PADI1: variants seen among roughly 807,000 people sequenced by gnomAD.
The protein encoded by PADI1 is peptidyl arginine deiminase 1, also known as protein-arginine deiminase type-1.
Under a neutral mutation model 74.8 loss-of-function variants are expected in PADI1, and 65 were observed. That is an observed-to-expected ratio of 0.87 (90% CI 0.71 to 1.07). The LOEUF is 1.07. Among genes scored for constraint, PADI1 ranks in the 50% least tolerant of loss-of-function variants. The probability of loss-of-function intolerance (pLI) is 0.00; values close to 1 mark genes in which losing one functional copy is unlikely to be tolerated. For missense variants in PADI1, 943 were observed against 854.0 expected, an observed-to-expected ratio of 1.10 and a Z score of -1.30; for synonymous variants, 371 against 336.2, an observed-to-expected ratio of 1.10 and a Z score of -1.13.
intron 11 of PADI1, among the ~76,000 whole-genome samples, chr1:17,233,829 C>A (rs1005966649): frequency 6.6e-6 from 1 of 152,256 alleles, no homozygotes; most frequent in African/African-American, 2.4e-5. Flanking sequence ...GTGAATCTGG[C>A]AGCCTCAGAG....
intron 1 of PADI1, among the ~76,000 whole-genome samples, chr1:17,212,321 A>G (rs1251015894): frequency 6.6e-6 from 1 of 152,190 alleles, no homozygotes; most frequent in Non-Finnish European, 1.5e-5. Flanking sequence ...AGGCTCAGCC[A>G]GCAGTGCCTG....
chr1:17,238,975 C>G (rs569751907), intron 13 of PADI1, among the ~76,000 whole-genome samples: 70 of 152,344 alleles, frequency 4.6e-4, no homozygotes, highest in African/African-American at 1.7e-3. Context: ...TCTCTCTCCC[C>G]TCTTCCTTAT....
chr1:17,226,474 C>T lies in PADI1; in HGVS notation c.652+316C>T, dbSNP rs550614189. Among the ~76,000 whole-genome samples the T allele has an allele frequency of 4.6e-5, 7 of 152,330 alleles. No homozygotes were observed. The South Asian group carries it at 1.5e-3, about 32-fold the overall frequency. ...TTTACCATTGCCCCACACCCGTTCC[C>T]TCCTCTGGTCAATCAGCGTGGACTG... On this transcript the variant is annotated intron_variant, in intron 6 of 15. Transcript: ENST00000375471.
chr1:17,244,650 G>A lies in PADI1; in HGVS notation c.*407G>A, dbSNP rs900675101. ...TGGAACGGGGCCTGGGGGACCTGGG[G>A]TCTGGTGTGCCAGGCACCAGGCTGC... is the stretch of plus-strand genomic sequence containing the variant. On this transcript the variant is annotated 3_prime_UTR_variant, in exon 16 of 16. Coordinates refer to ENST00000375471, the MANE Select transcript of PADI1 (RefSeq NM_013358.3). 5 of 358,532 alleles carry A rather than the reference G, an allele frequency of 1.4e-5. No homozygotes were observed. The highest frequency in any genetic ancestry group is 3.7e-5 in the Admixed American group (1 of 27,108). The allele number at this position is 358,532 out of a possible 1,614,324, so 22.2% of individuals were successfully genotyped here.
At chr1:17,230,756 C>A in intron 10 of PADI1, 77 bp downstream of exon 10, 2 of 807,266 alleles carry the variant, frequency 2.5e-6, no homozygotes, top group South Asian at 1.5e-5. Context: ...TCATCTGGAC[C>A]TAGTCCTATA....
chr1:17,217,367 A>G (rs956220738), intron 1 of PADI1, among the ~76,000 whole-genome samples: 10 of 152,020 alleles, frequency 6.6e-5, no homozygotes, highest in Non-Finnish European at 1.3e-4. Flanking sequence ...GGAGAACTAG[A>G]AATGTACGAT....
chr1:17,223,591 G>A (rs374026198), intron 2 of PADI1, 30 bp from the exon 3 acceptor site: 3 of 1,582,004 alleles, frequency 1.9e-6, no homozygotes, highest in South Asian at 2.2e-5. Flanking sequence ...GAAGGTGATG[G>A]CCGTGCAGGC....
chr1:17,236,657 G>A (rs2072648535), intron 11 of PADI1, among the ~76,000 whole-genome samples: 1 of 152,170 alleles, frequency 6.6e-6, no homozygotes, highest in Non-Finnish European at 1.5e-5. Flanking sequence ...AGGAGGCTGA[G>A]GTGGGAGGAT....
At chr1:17,215,373 C>T (rs1269168101) in intron 1 of PADI1, among the ~76,000 whole-genome samples, 1 of 139,486 alleles carries the variant, frequency 7.2e-6, no homozygotes, top group East Asian at 2.0e-4. Context: ...TTTCTTCCCC[C>T]TTCTTTCATC....
intron 1 of PADI1, among the ~76,000 whole-genome samples, chr1:17,217,101 G>T (rs72646742): frequency 1.3e-5 from 2 of 151,936 alleles, no homozygotes; most frequent in Non-Finnish European, 2.9e-5. Flanking sequence ...AGCCAGGTGC[G>T]CTGGGGCCAG....
chr1:17,223,652 A>C lies in PADI1; in HGVS notation c.305A>C (p.Asp102Ala). 6.2e-7 allele frequency: 1 copy of C among 1,614,108 alleles called. No individual in the cohort carries two copies. ...VRVSYFGEQE[D>A]QALGRSVLYL... ...GTCTCCTACTTTGGGGAGCAGGAAG[A>C]CCAAGCTCTGGGCCGCAGCGTGCTT... Residue 102 changes from aspartate (D) to alanine (A), a missense_variant, in exon 3 of 16, where the codon GAC (aspartate) becomes GCC (alanine). By Grantham distance (126) the Asp-to-Ala change is moderately radical. Coordinates refer to ENST00000375471, the MANE Select transcript of PADI1 (RefSeq NM_013358.3).
intron 4 of PADI1, 29 bp downstream of exon 4, chr1:17,224,457 G>C: frequency 6.3e-7 from 1 of 1,593,736 alleles, no homozygotes; most frequent in Non-Finnish European, 8.6e-7. Flanking sequence ...CCCCAAGGCT[G>C]CGGGGTTGAA....
At chr1:17,209,221 G>A (rs899326223) in intron 1 of PADI1, among the ~76,000 whole-genome samples, 2 of 152,224 alleles carry the variant, frequency 1.3e-5, no homozygotes, top group African/African-American at 2.4e-5. Context: ...GATTGACACT[G>A]ACACTAATTT....
At position 17,225,945 on chromosome 1, in the gene PADI1, G is replaced by A; in HGVS notation, c.526+17G>A. On this transcript the variant is annotated intron_variant, in intron 5 of 15. Coordinates refer to ENST00000375471, the MANE Select transcript of PADI1 (RefSeq NM_013358.3). ...CGCTGGCTGGTGAGTGACACAAGGT[G>A]TTGTCTGGGGAGTGGGGAAGGGGGA... is the stretch of plus-strand genomic sequence containing the variant. 1 of 1,612,546 alleles carries A rather than the reference G, an allele frequency of 6.2e-7. No individual in the cohort carries two copies. The highest frequency in any genetic ancestry group is 8.5e-7 in the Non-Finnish European group (1 of 1,178,702).
At chr1:17,210,559 G>A (rs1385799857) in intron 1 of PADI1, among the ~76,000 whole-genome samples, 1 of 152,086 alleles carries the variant, frequency 6.6e-6, no homozygotes, top group Non-Finnish European at 1.5e-5. Context: ...AGCTGGTTCA[G>A]CCTGCGCCCT....
intron 12 of PADI1, 48 bp downstream of exon 12, chr1:17,237,506 C>T (rs770345812): frequency 1.9e-6 from 3 of 1,550,358 alleles, no homozygotes; most frequent in Non-Finnish European, 1.7e-6. Flanking sequence ...CTTGTCTGAC[C>T]TGATGGGATG....
At chr1:17,223,793 A>C in intron 3 of PADI1, 100 bp downstream of exon 3, 1 of 955,444 alleles carries the variant, frequency 1.0e-6, no homozygotes, top group East Asian at 2.6e-5. Flanking sequence ...ACCCATGGCC[A>C]GCTTCCTCCA....
chr1:17,217,303 G>C (rs74058976), intron 1 of PADI1, among the ~76,000 whole-genome samples: 5,205 of 152,248 alleles, frequency 0.034, 318 homozygotes, highest in African/African-American at 0.12. Flanking sequence ...TGCTCTGCCA[G>C]GTGGGCCGCA....
intron 1 of PADI1, among the ~76,000 whole-genome samples, chr1:17,217,247 GA>G (rs2072004616): frequency 6.6e-6 from 1 of 152,172 alleles, no homozygotes; most frequent in Non-Finnish European, 1.5e-5. Flanking sequence ...ACTGTAAGAT[GA>G]ACCTGAGCTG....
Sources: allele counts gnomAD v4.1 joint callset (sites outside exome capture counted in the v4.1 genomes callset), GRCh38; gene constraint gnomAD v4.1.1; transcripts MANE v1.5; gene names NCBI Gene and HGNC (gene_info 2026-07-23, HGNC 2026-07-21).